Variants in PPP3CA observed in about 807,000 individuals in gnomAD.
PPP3CA encodes CAM-PRP catalytic subunit.
Under a neutral mutation model 66.5 loss-of-function variants are expected in PPP3CA, and 14 were observed. The observed-to-expected ratio is 0.21, with a 90% CI of 0.14 to 0.33. The LOEUF is 0.33. Ranked by LOEUF, PPP3CA falls within the 10% of genes least tolerant of loss-of-function variation. The probability of loss-of-function intolerance (pLI) is 1.00; values close to 1 mark genes in which losing one functional copy is unlikely to be tolerated. For synonymous variants in PPP3CA, 232 were observed against 226.2 expected, an observed-to-expected ratio of 1.03 and a Z score of -0.23; for missense variants, 317 against 639.5, an observed-to-expected ratio of 0.50 and a Z score of 5.44.
At chr4:101,072,977 T>C (rs1042994660) in intron 8 of PPP3CA, among the ~76,000 whole-genome samples, 4 of 150,180 alleles carry the variant, frequency 2.7e-5, no homozygotes, top group African/African-American at 9.8e-5. Context: ...TAAAGCTATA[T>C]CACTCAAGGT....
At chr4:101,333,920 C>T (rs1729537336) in intron 1 of PPP3CA, among the ~76,000 whole-genome samples, 1 of 152,170 alleles carries the variant, frequency 6.6e-6, no homozygotes, top group African/African-American at 2.4e-5. Context: ...CTTCAGATTG[C>T]CTACATTATG....
chr4:101,256,615 A>C (rs1186981488), intron 1 of PPP3CA, among the ~76,000 whole-genome samples: 1 of 152,072 alleles, frequency 6.6e-6, no homozygotes, highest in African/African-American at 2.4e-5. Context: ...ACTATTAAGA[A>C]GTCTGATGAA....
At chr4:101,330,463 A>G (rs774574538) in intron 1 of PPP3CA, 10 of 528,522 alleles carry the variant, frequency 1.9e-5, no homozygotes, top group Non-Finnish European at 3.5e-5. Context: ...AGACACTGAC[A>G]GTTCAGATGA....
At chr4:101,081,353 T>G (rs1328376759) in intron 7 of PPP3CA, among the ~76,000 whole-genome samples, 1 of 152,126 alleles carries the variant, frequency 6.6e-6, no homozygotes, top group African/African-American at 2.4e-5. Flanking sequence ...AAGATTATTG[T>G]CTCAGCAGGG....
At position 101,105,609 on chromosome 4, in the gene PPP3CA, A is replaced by G. The variant is rs144497945; in HGVS notation, c.384+3345T>C. On this transcript the variant is annotated intron_variant, in intron 3 of 13. Coordinates refer to ENST00000394854, the MANE Select transcript of PPP3CA (RefSeq NM_000944.5). ...AAAACAAACAAAAAAAGGTAAATAAAGAACAATAAGATTAAAGAATATTAT... is the reference window on the plus strand; with the variant it reads ...AAAACAAACAAAAAAAGGTAAATAAGGAACAATAAGATTAAAGAATATTAT... Among the ~76,000 whole-genome samples, 90 of 152,324 alleles carry G rather than the reference A, an allele frequency of 5.9e-4. 4 individuals are homozygous for G. In the East Asian group the frequency reaches 6.0e-3, roughly 10 times the overall value.
rs571381637 is a variant in PPP3CA, at chr4:101,346,820, C to T, written c.-24G>A. 9.3e-6 allele frequency: 15 copies of T among 1,606,170 alleles called. No individual in the cohort carries two copies. In the African/African-American group the frequency reaches 1.9e-4, roughly 20 times the overall value. ...ATCTCCAGCTGCCGGAGGACAGCGACGCGCTGCTCGTCCGTCCGACTGCAC... is the reference window on the plus strand; with the variant it reads ...ATCTCCAGCTGCCGGAGGACAGCGATGCGCTGCTCGTCCGTCCGACTGCAC... On this transcript the variant is annotated 5_prime_UTR_variant, in exon 1 of 14. Transcript: ENST00000394854.
At chr4:101,059,580 T>C (rs1005325823) in intron 10 of PPP3CA, among the ~76,000 whole-genome samples, 1 of 152,162 alleles carries the variant, frequency 6.6e-6, no homozygotes, top group Non-Finnish European at 1.5e-5. Flanking sequence ...TTTATACCCA[T>C]GACCTGTATC....
intron 1 of PPP3CA, among the ~76,000 whole-genome samples, chr4:101,303,083 T>C (rs1728428989): frequency 6.6e-6 from 1 of 152,316 alleles, no homozygotes; most frequent in South Asian, 2.1e-4. Flanking sequence ...CAATCTCCAC[T>C]GTGACTACGT....
chr4:101,089,909 TG>T (rs1729837798), intron 6 of PPP3CA, among the ~76,000 whole-genome samples: 1 of 152,216 alleles, frequency 6.6e-6, no homozygotes, highest in Non-Finnish European at 1.5e-5. Flanking sequence ...GCATATTTTC[TG>T]CATAACTTTA....
chr4:101,273,378 G>A (rs1177001752), intron 1 of PPP3CA, among the ~76,000 whole-genome samples: 6 of 151,826 alleles, frequency 4.0e-5, no homozygotes, highest in East Asian at 1.9e-4. Flanking sequence ...CAGAGTGATC[G>A]CGCAGTGGCG....
Position 101,347,336 on chromosome 4 carries a change from TGCTGCC to T in PPP3CA, c.-546_-541del. Reference sequence around the variant, plus strand: ...AGGCGGCCGCCGCTGCTGCCGCTGCTGCTGCCGCTGCCGCTGTTGCTGCTGCCGCTG... The same window carrying T: ...AGGCGGCCGCCGCTGCTGCCGCTGCTGCTGCCGCTGTTGCTGCTGCCGCTG... On this transcript the variant is annotated 5_prime_UTR_variant, in exon 1 of 14. Coordinates refer to ENST00000394854, the MANE Select transcript of PPP3CA (RefSeq NM_000944.5). 1 of 204,322 alleles carries T rather than the reference TGCTGCC, an allele frequency of 4.9e-6. No individual in the cohort carries two copies. The highest frequency in any genetic ancestry group is 9.7e-6 in the Non-Finnish European group (1 of 103,374). 12.7% of individuals were successfully genotyped at this position (204,322 alleles called of 1,614,324 possible).
intron 5 of PPP3CA, among the ~76,000 whole-genome samples, chr4:101,097,381 TAC>T (rs1730242276): frequency 6.6e-6 from 1 of 152,112 alleles, no homozygotes; most frequent in Non-Finnish European, 1.5e-5. Context: ...AGAAGATAAA[TAC>T]AGTTTTCAAC....
intron 2 of PPP3CA, among the ~76,000 whole-genome samples, chr4:101,180,173 G>A (rs1724190525): frequency 6.6e-6 from 1 of 152,124 alleles, no homozygotes; most frequent in East Asian, 1.9e-4. Flanking sequence ...TAATATCCCT[G>A]TTTATCTGGA....
intron 2 of PPP3CA, among the ~76,000 whole-genome samples, chr4:101,138,001 T>C (rs775677008): frequency 2.6e-5 from 4 of 152,184 alleles, no homozygotes; most frequent in African/African-American, 7.2e-5. Context: ...AAGCGAGCAG[T>C]TGTATTTCCA....
intron 8 of PPP3CA, among the ~76,000 whole-genome samples, chr4:101,079,571 C>T (rs1210519596): frequency 7.9e-5 from 12 of 151,952 alleles, no homozygotes; most frequent in East Asian, 1.9e-4. Flanking sequence ...TTAGTAGAGA[C>T]GGAGTTTCAC....
At chr4:101,162,205 A>G (rs1578509118) in intron 2 of PPP3CA, among the ~76,000 whole-genome samples, 1 of 151,874 alleles carries the variant, frequency 6.6e-6, no homozygotes, top group African/African-American at 2.4e-5. Context: ...GCGCCACTGC[A>G]CTCCAGCCTG....
intron 2 of PPP3CA, among the ~76,000 whole-genome samples, chr4:101,187,882 A>G (rs1724464049): frequency 6.6e-6 from 1 of 152,182 alleles, no homozygotes; most frequent in African/African-American, 2.4e-5. Context: ...AGACCAAAGC[A>G]AACATGCATA....
intron 8 of PPP3CA, among the ~76,000 whole-genome samples, chr4:101,068,389 G>A (rs1728771892): frequency 6.6e-6 from 1 of 152,154 alleles, no homozygotes; most frequent in African/African-American, 2.4e-5. Context: ...TGCCTTGGTG[G>A]ATAGAATTCC....
At chr4:101,112,223 A>G (rs139181638) in intron 2 of PPP3CA, among the ~76,000 whole-genome samples, 1 of 152,256 alleles carries the variant, frequency 6.6e-6, no homozygotes, top group East Asian at 1.9e-4. Context: ...TGCAAATATT[A>G]TAAGGATATT....
Sources: allele counts gnomAD v4.1 joint callset (sites outside exome capture counted in the v4.1 genomes callset), GRCh38; gene constraint gnomAD v4.1.1; transcripts MANE v1.5; gene names NCBI Gene and HGNC (gene_info 2026-07-23, HGNC 2026-07-21).